The following CNTN4 variants were observed in gnomAD, a reference collection of about 807,000 sequenced individuals.
CNTN4 encodes contactin 4.
In CNTN4, 77 loss-of-function variants were observed where a neutral mutation model predicts 122.5. That is an observed-to-expected ratio of 0.63 (90% CI 0.52 to 0.76). The LOEUF is 0.76. CNTN4 is among the 30% of genes least tolerant of loss of function. The probability of loss-of-function intolerance (pLI) is 0.00; values close to 1 mark genes in which losing one functional copy is unlikely to be tolerated. For missense variants in CNTN4, 1,256 were observed against 1,259.1 expected (o/e 1.00, Z 0.04); for synonymous variants, 512 against 447.0 (o/e 1.15, Z -1.83).
intron 3 of CNTN4, among the ~76,000 whole-genome samples, chr3:2,570,002 C>T (rs1458236419): frequency 6.6e-6 from 1 of 151,838 alleles, no homozygotes; most frequent in Non-Finnish European, 1.5e-5. Context: ...TTGTGTCTGG[C>T]AAGCAGAAGA....
At chr3:2,336,460 T>C (rs2043957951) in intron 2 of CNTN4, among the ~76,000 whole-genome samples, 2 of 152,202 alleles carry the variant, frequency 1.3e-5, no homozygotes, top group South Asian at 2.1e-4. Flanking sequence ...GTTGTTAGCA[T>C]TGTGACTTAT....
At chr3:2,593,153 T>G (rs1355324050) in intron 4 of CNTN4, among the ~76,000 whole-genome samples, 1 of 152,226 alleles carries the variant, frequency 6.6e-6, no homozygotes, top group Middle Eastern at 3.2e-3. Context: ...CTATACATTT[T>G]CTGAATGTAT....
chr3:2,875,238 C>T (rs960457197), intron 8 of CNTN4, among the ~76,000 whole-genome samples: 13 of 152,280 alleles, frequency 8.5e-5, no homozygotes, highest in Admixed American at 6.5e-4. Context: ...CAATCTCGGC[C>T]TCCCAAACTG....
chr3:2,815,244 C>G (rs1348541798), intron 6 of CNTN4, among the ~76,000 whole-genome samples: 1 of 152,104 alleles, frequency 6.6e-6, no homozygotes, highest in Non-Finnish European at 1.5e-5. Context: ...TAGCTGGGAC[C>G]TAATTAAACT....
rs552395447 is a variant in CNTN4, at chr3:2,434,685, A to G, written c.-89+95452A>G. On this transcript the variant is annotated intron_variant, in intron 3 of 24. Coordinates refer to ENST00000418658, the MANE Select transcript of CNTN4 (RefSeq NM_175607.3). ...ATTTTCTCTGTTGCAGGCACTTTATATTGGAGGTGTGAGTAGCTAAAGTTC... is the reference window on the plus strand; with the variant it reads ...ATTTTCTCTGTTGCAGGCACTTTATGTTGGAGGTGTGAGTAGCTAAAGTTC... 5.3e-4 allele frequency among the ~76,000 whole-genome samples: 81 copies of G among 152,280 alleles called. No homozygotes were observed. In the Middle Eastern group the frequency reaches 0.01, roughly 19 times the overall value.
intron 7 of CNTN4, among the ~76,000 whole-genome samples, chr3:2,851,585 T>G (rs1370065141): frequency 6.6e-6 from 1 of 152,254 alleles, no homozygotes; most frequent in Non-Finnish European, 1.5e-5. Flanking sequence ...TCACCTTCGC[T>G]TGGCGTTTTA....
intron 13 of CNTN4, among the ~76,000 whole-genome samples, chr3:2,949,084 A>G (rs563039772): frequency 1.3e-5 from 2 of 152,176 alleles, no homozygotes; most frequent in African/African-American, 4.8e-5. Flanking sequence ...CTTAGCTACA[A>G]TCACACCGGC....
chr3:2,573,820 T>A (rs1412709998), intron 4 of CNTN4, among the ~76,000 whole-genome samples: 1 of 152,218 alleles, frequency 6.6e-6, no homozygotes, highest in Non-Finnish European at 1.5e-5. Context: ...TATGCCTTCT[T>A]CAGTGTAGGA....
At chr3:2,207,017 TTTC>T (rs1244317960) in intron 2 of CNTN4, among the ~76,000 whole-genome samples, 1 of 150,206 alleles carries the variant, frequency 6.7e-6, no homozygotes, top group East Asian at 2.3e-4. Flanking sequence ...TATTTCAGAC[TTTC>T]TTCTTATTAT....
chr3:2,532,887 G>C (rs74403379), intron 3 of CNTN4, among the ~76,000 whole-genome samples: 16,258 of 151,998 alleles, frequency 0.11, 1,087 homozygotes, highest in Middle Eastern at 0.16. Context: ...GGTGGGAAAA[G>C]AGATTATATT....
chr3:2,107,338 C>T (rs1334196420), intron 2 of CNTN4, among the ~76,000 whole-genome samples: 1 of 152,162 alleles, frequency 6.6e-6, no homozygotes, highest in Non-Finnish European at 1.5e-5. Context: ...TTAATGGACT[C>T]ACAGTTCTGT....
chr3:2,760,195 AT>A (rs1349691472), intron 6 of CNTN4, among the ~76,000 whole-genome samples: 5 of 151,972 alleles, frequency 3.3e-5, no homozygotes, highest in Non-Finnish European at 7.4e-5. Flanking sequence ...AATCTAATTT[AT>A]TTTTTTCTTT....
chr3:2,219,024 C>A (rs1451401567), intron 2 of CNTN4, among the ~76,000 whole-genome samples: 2 of 152,164 alleles, frequency 1.3e-5, no homozygotes, highest in Admixed American at 1.3e-4. Context: ...CAGCTTCCCC[C>A]TAGGATTACA....
chr3:2,838,295 A>T lies in CNTN4; in HGVS notation c.454+18714A>T, dbSNP rs568574460. ...GTAAGACTAAAATTAATCCTCCATA[A>T]TCCTAGCTTTAGAAACTCTCATCTT... is the stretch of plus-strand genomic sequence containing the variant. On this transcript the variant is annotated intron_variant, in intron 7 of 24. Coordinates refer to ENST00000418658, the MANE Select transcript of CNTN4 (RefSeq NM_175607.3). Among the ~76,000 whole-genome samples, 16 of 152,254 alleles carry T rather than the reference A, an allele frequency of 1.1e-4. No homozygotes were observed. The South Asian group carries it at 2.3e-3, about 22-fold the overall frequency.
At chr3:2,411,798 G>A (rs1236389233) in intron 3 of CNTN4, among the ~76,000 whole-genome samples, 1 of 152,066 alleles carries the variant, frequency 6.6e-6, no homozygotes, top group Non-Finnish European at 1.5e-5. Flanking sequence ...TGTCGTTGCT[G>A]TATTTCGAAG....
chr3:2,522,090 G>T (rs1378772378), intron 3 of CNTN4, among the ~76,000 whole-genome samples: 2 of 151,442 alleles, frequency 1.3e-5, no homozygotes, highest in Non-Finnish European at 2.9e-5. Context: ...CCATTATCAG[G>T]CAGGCAAATC....
At chr3:2,469,530 G>A (rs183879944) in intron 3 of CNTN4, among the ~76,000 whole-genome samples, 4 of 152,072 alleles carry the variant, frequency 2.6e-5, no homozygotes, top group Non-Finnish European at 5.9e-5. Context: ...GGAAAAATGC[G>A]CCAGATTTTC....
rs1194542226 is a variant in CNTN4, at chr3:2,301,247, G to A, written c.-144-37931G>A. Among the ~76,000 whole-genome samples the A allele has an allele frequency of 6.6e-5, 10 of 152,294 alleles. No homozygotes were observed. The East Asian group carries it at 1.7e-3, about 26-fold the overall frequency. On this transcript the variant is annotated intron_variant, in intron 2 of 24. Coordinates refer to ENST00000418658, the MANE Select transcript of CNTN4 (RefSeq NM_175607.3). The stretch of plus-strand genomic sequence containing the variant: ...ACACGCTAATTACTTCTGTGATGGG[G>A]AGGAAAACAAAAATCCATATTAATT...
chr3:3,046,913 A>G (rs1700722770), intron 23 of CNTN4, among the ~76,000 whole-genome samples: 1 of 137,670 alleles, frequency 7.3e-6, no homozygotes, highest in African/African-American at 2.8e-5. Context: ...TAGGCTCAAA[A>G]TAAAGGGATG....
Sources: gnomAD v4.1 joint callset for allele counts (sites outside exome capture counted in the v4.1 genomes callset) on GRCh38, gnomAD v4.1.1 for gene constraint, MANE v1.5 for transcripts, NCBI Gene and HGNC (gene_info 2026-07-23, HGNC 2026-07-21) for gene names.